The following USH2A variants were observed in gnomAD, a reference collection of about 807,000 sequenced individuals.
USH2A encodes usherin.
USH2A carries 443 observed loss-of-function variants against 538.9 expected under a neutral mutation model. The ratio of observed to expected loss-of-function variants is 0.82; its 90% CI spans 0.76 to 0.89. The LOEUF is 0.89. USH2A is among the 40% of genes least tolerant of loss of function. USH2A has a pLI of 0.00. For missense variants in USH2A, 6,633 were observed against 6,324.8 expected (o/e 1.05, Z -1.65); for synonymous variants, 2,413 against 2,273.5 (o/e 1.06, Z -1.75).
At chr1:215,945,477 G>T (rs1308481533) in intron 37 of USH2A, among the ~76,000 whole-genome samples, 1 of 152,096 alleles carries the variant, frequency 6.6e-6, no homozygotes, top group Non-Finnish European at 1.5e-5. Context: ...AGCACCCTAA[G>T]AATGTGGTTT....
At chr1:215,787,004 AT>A in intron 51 of USH2A, 130 bp from the exon 52 acceptor site, 1 of 845,898 alleles carries the variant, frequency 1.2e-6, no homozygotes, top group Non-Finnish European at 1.9e-6. Flanking sequence ...ATATTTCAAA[AT>A]TTATAAAAAG....
chr1:215,956,174 C>A (rs1161580015), intron 37 of USH2A, among the ~76,000 whole-genome samples: 2 of 152,156 alleles, frequency 1.3e-5, no homozygotes, highest in Non-Finnish European at 2.9e-5. Flanking sequence ...TCTAATATTA[C>A]TATTTATTCA....
chr1:215,927,712 G>A (rs1666268972), intron 38 of USH2A, among the ~76,000 whole-genome samples: 1 of 151,784 alleles, frequency 6.6e-6, no homozygotes, highest in South Asian at 2.1e-4. Context: ...TGAAACCTTA[G>A]CATCATACAA....
chr1:215,747,695 C>G (rs1004847766), intron 58 of USH2A, among the ~76,000 whole-genome samples: 8 of 152,128 alleles, frequency 5.3e-5, no homozygotes, highest in Non-Finnish European at 8.8e-5. Flanking sequence ...TCTCAGTTTG[C>G]AATTTGACCT....
intron 3 of USH2A, among the ~76,000 whole-genome samples, chr1:216,393,803 C>T (rs1018316071): frequency 6.6e-6 from 1 of 151,994 alleles, no homozygotes; most frequent in Non-Finnish European, 1.5e-5. Flanking sequence ...GGGAGCCAGA[C>T]CTGAAGAATT....
chr1:216,053,566 G>T (rs112408886), intron 30 of USH2A, among the ~76,000 whole-genome samples: 35 of 148,978 alleles, frequency 2.3e-4, no homozygotes, highest in African/African-American at 6.9e-4. Context: ...TCCCAATCAT[G>T]TCAGGAAACC....
intron 32 of USH2A, among the ~76,000 whole-genome samples, chr1:216,023,549 C>T (rs1327963467): frequency 7.8e-6 from 1 of 128,248 alleles, no homozygotes; most frequent in Non-Finnish European, 1.6e-5. Context: ...AGAAAAACAA[C>T]AAAACCTCAT....
chr1:216,296,693 C>CACTT (rs2037112581), intron 9 of USH2A, among the ~76,000 whole-genome samples: 1 of 151,898 alleles, frequency 6.6e-6, no homozygotes, highest in South Asian at 2.1e-4. Flanking sequence ...CAATAAAAAC[C>CACTT]ACTTACAAAT....
intron 22 of USH2A, among the ~76,000 whole-genome samples, chr1:216,090,549 C>T (rs919062537): frequency 8.6e-5 from 13 of 152,016 alleles, no homozygotes; most frequent in African/African-American, 3.1e-4. Flanking sequence ...GACCATCTGG[C>T]AAGTTCTAGT....
intron 38 of USH2A, among the ~76,000 whole-genome samples, chr1:215,909,081 T>A (rs1665709972): frequency 6.6e-6 from 1 of 151,040 alleles, no homozygotes; most frequent in African/African-American, 2.4e-5. Flanking sequence ...ATATAATGTA[T>A]GTGTGTGTAT....
chr1:215,735,074 T>C (rs775163069), intron 60 of USH2A, among the ~76,000 whole-genome samples: 4 of 152,234 alleles, frequency 2.6e-5, no homozygotes, highest in Non-Finnish European at 4.4e-5. Context: ...AAGAAATACC[T>C]TGGGAGCAAG....
chr1:215,660,515 C>T (rs1657407325), intron 64 of USH2A, among the ~76,000 whole-genome samples: 4 of 152,118 alleles, frequency 2.6e-5, no homozygotes, highest in African/African-American at 7.2e-5. Flanking sequence ...TAGCCCACAC[C>T]TCCCTGTGTA....
At chr1:215,765,473 T>A (rs1344857278) in intron 56 of USH2A, among the ~76,000 whole-genome samples, 2 of 152,144 alleles carry the variant, frequency 1.3e-5, no homozygotes, top group Non-Finnish European at 2.9e-5. Flanking sequence ...GACAAGTAGT[T>A]CAGGAGTCTA....
chr1:216,225,016 G>A lies in USH2A; in HGVS notation c.2993+6937C>T, dbSNP rs574636029. Among the ~76,000 whole-genome samples the A allele has an allele frequency of 3.9e-5, 6 of 152,080 alleles. No individual in the cohort carries two copies. In the East Asian group the frequency reaches 9.7e-4, roughly 25 times the overall value. On this transcript the variant is annotated intron_variant, in intron 14 of 71. Coordinates refer to ENST00000307340, the MANE Select transcript of USH2A (RefSeq NM_206933.4). ...TTTCAAAGTAGATTCAAATGATTTT[G>A]AATCTACTTTGTTTTCAAAAACATT...
chr1:216,343,469 T>C (rs1005065875), intron 4 of USH2A, among the ~76,000 whole-genome samples: 3 of 148,152 alleles, frequency 2.0e-5, no homozygotes, highest in Non-Finnish European at 4.4e-5. Context: ...GAGACTGCAC[T>C]AGGATACGAT....
chr1:215,731,052 A>G (rs1242048295), intron 60 of USH2A, among the ~76,000 whole-genome samples: 1 of 152,212 alleles, frequency 6.6e-6, no homozygotes, highest in East Asian at 1.9e-4. Flanking sequence ...TATTTTGTCT[A>G]GCTTCAGCCT....
intron 55 of USH2A, among the ~76,000 whole-genome samples, chr1:215,778,141 G>T (rs988055801): frequency 6.7e-6 from 1 of 150,182 alleles, no homozygotes; most frequent in Admixed American, 6.7e-5. Context: ...AACCTCTGCC[G>T]CCCAGGTTGG....
intron 70 of USH2A, among the ~76,000 whole-genome samples, chr1:215,631,397 A>G (rs1656280103): frequency 6.6e-6 from 1 of 152,228 alleles, no homozygotes; most frequent in African/African-American, 2.4e-5. Flanking sequence ...AGGAGCCCAC[A>G]GTCACCAACA....
chr1:215,674,289 T>G lies in USH2A; in HGVS notation c.13622A>C (p.Gln4541Pro), dbSNP rs143032902. 7.4e-6 allele frequency: 12 copies of G among 1,613,914 alleles called. No homozygotes were observed. Among genetic ancestry groups the G allele is most frequent in the South Asian group, 1.1e-5 (1 of 91,070 alleles). The change falls in exon 63 of 72, where the codon CAG becomes CCG. Residue 4541 changes from glutamine to proline, a missense_variant. Transcript: ENST00000307340. ...TAAGATCTCCTGAGGACCCCTGGCC[T>G]GCAATTTTGGAGGTTCCATCCCTGA... ...APSGMEPPKL[Q>P]ARGPQEILVN... is the part of the protein sequence containing the mutation.
Sources: gnomAD v4.1 joint callset for allele counts (sites outside exome capture counted in the v4.1 genomes callset) on GRCh38, gnomAD v4.1.1 for gene constraint, MANE v1.5 for transcripts, NCBI Gene and HGNC (gene_info 2026-07-23, HGNC 2026-07-21) for gene names.